The following PTPRG variants were observed in gnomAD, a reference collection of about 807,000 sequenced individuals.
The protein encoded by PTPRG is receptor-type tyrosine-protein phosphatase gamma.
PTPRG carries 102 observed loss-of-function variants against 165.3 expected under a neutral mutation model. That is an observed-to-expected ratio of 0.62 (90% CI 0.53 to 0.73). The LOEUF is 0.73. PTPRG is among the 30% of genes least tolerant of loss of function. The probability of loss-of-function intolerance (pLI) is 0.00; values close to 1 mark genes in which losing one functional copy is unlikely to be tolerated. For missense variants in PTPRG, 1,866 were observed against 1,861.4 expected, an observed-to-expected ratio of 1.00 and a Z score of -0.05; for synonymous variants, 675 against 669.5, an observed-to-expected ratio of 1.01 and a Z score of -0.13.
chr3:61,983,010 G>A (rs1295696847), intron 2 of PTPRG, among the ~76,000 whole-genome samples: 7 of 152,076 alleles, frequency 4.6e-5, no homozygotes, highest in African/African-American at 1.7e-4. Context: ...CAAAAAATGT[G>A]TATTTCATTA....
At chr3:61,827,096 C>T (rs922984203) in intron 2 of PTPRG, among the ~76,000 whole-genome samples, 1 of 152,138 alleles carries the variant, frequency 6.6e-6, no homozygotes, top group Non-Finnish European at 1.5e-5. Context: ...TAAGGGCATG[C>T]TTTGCTGTGT....
intron 5 of PTPRG, among the ~76,000 whole-genome samples, chr3:62,093,902 G>C (rs535533810): frequency 1.1e-3 from 163 of 152,306 alleles, no homozygotes; most frequent in African/African-American, 3.8e-3. Context: ...GAATAAATTA[G>C]TTTTGCTACA....
intron 1 of PTPRG, among the ~76,000 whole-genome samples, chr3:61,564,911 C>T (rs1699869333): frequency 6.6e-6 from 1 of 152,250 alleles, no homozygotes; most frequent in African/African-American, 2.4e-5. Flanking sequence ...CCGCTGGGGG[C>T]TGGAGTTAGC....
intron 2 of PTPRG, among the ~76,000 whole-genome samples, chr3:61,754,696 A>G (rs2033574695): frequency 6.6e-6 from 1 of 152,164 alleles, no homozygotes; most frequent in Admixed American, 6.5e-5. Context: ...AAAAGGTTTC[A>G]CTGTTGGATC....
Position 61,866,960 on chromosome 3 carries a change from T to G in PTPRG, c.190+117978T>G, listed in dbSNP as rs896331305. 8.5e-5 allele frequency among the ~76,000 whole-genome samples: 13 copies of G among 152,270 alleles called. No homozygotes were observed. In the East Asian group the frequency reaches 2.1e-3, roughly 25 times the overall value. ...AACGGAAGAGAGACCACAGGAGTGC[T>G]AGAGCCTGAGTTCAGGGAAGGGTTT... On this transcript the variant is annotated intron_variant, in intron 2 of 29. Transcript: ENST00000474889.
intron 2 of PTPRG, among the ~76,000 whole-genome samples, chr3:61,983,162 C>G (rs765047507): frequency 6.6e-6 from 1 of 152,086 alleles, no homozygotes; most frequent in Non-Finnish European, 1.5e-5. Flanking sequence ...AAGACTTTTT[C>G]CATTTTTCGT....
chr3:61,987,723 C>A (rs1197504066), intron 2 of PTPRG, among the ~76,000 whole-genome samples: 1 of 152,018 alleles, frequency 6.6e-6, no homozygotes, highest in Non-Finnish European at 1.5e-5. Context: ...CTATTTTGGT[C>A]AGCCATCTAA....
chr3:61,794,669 G>A (rs928527928), intron 2 of PTPRG, among the ~76,000 whole-genome samples: 1 of 152,168 alleles, frequency 6.6e-6, no homozygotes, highest in Non-Finnish European at 1.5e-5. Flanking sequence ...ATTCCCTTAT[G>A]CATTTTAACC....
intron 1 of PTPRG, among the ~76,000 whole-genome samples, chr3:61,718,087 C>T (rs759246800): frequency 3.3e-5 from 5 of 151,882 alleles, no homozygotes; most frequent in Non-Finnish European, 7.4e-5. Context: ...GAGGCTGAGG[C>T]AGGAGAGTTG....
chr3:62,235,867 A>G (rs533678488), intron 14 of PTPRG, among the ~76,000 whole-genome samples: 13 of 151,776 alleles, frequency 8.6e-5, no homozygotes, highest in South Asian at 4.2e-4. Flanking sequence ...CTCTCTCCTC[A>G]TATCTGTTAA....
At chr3:61,922,281 A>G (rs1435372381) in intron 2 of PTPRG, among the ~76,000 whole-genome samples, 2 of 152,202 alleles carry the variant, frequency 1.3e-5, no homozygotes, top group African/African-American at 2.4e-5. Context: ...CTGCATGTTC[A>G]CTTAGAAAGG....
chr3:62,230,416 T>C (rs1224659859), intron 13 of PTPRG, among the ~76,000 whole-genome samples: 1 of 152,246 alleles, frequency 6.6e-6, no homozygotes, highest in African/African-American at 2.4e-5. Flanking sequence ...TCCATATATC[T>C]GAGTTTGTCA....
At chr3:61,703,753 A>ACCTGTTAG (rs2031104029) in intron 1 of PTPRG, among the ~76,000 whole-genome samples, 1 of 152,274 alleles carries the variant, frequency 6.6e-6, no homozygotes, top group East Asian at 1.9e-4. Flanking sequence ...GCTTGTTGAT[A>ACCTGTTAG]CCTGTTAGCT....
intron 4 of PTPRG, among the ~76,000 whole-genome samples, chr3:62,019,391 C>CA (rs2041628985): frequency 6.6e-6 from 1 of 151,980 alleles, no homozygotes; most frequent in Non-Finnish European, 1.5e-5. Flanking sequence ...GGCGTGGTGG[C>CA]ACGCATCTGT....
At chr3:62,211,986 G>A (rs544876297) in intron 12 of PTPRG, among the ~76,000 whole-genome samples, 1 of 150,568 alleles carries the variant, frequency 6.6e-6, no homozygotes, top group East Asian at 1.9e-4. Flanking sequence ...TTTTTAAAAA[G>A]CAGAATGGAG....
At chr3:61,829,300 C>T (rs1554911) in intron 2 of PTPRG, among the ~76,000 whole-genome samples, 1,659 of 152,310 alleles carry the variant, frequency 0.011, 28 homozygotes, top group African/African-American at 0.037. Context: ...TCCCAGACAG[C>T]GTTGTAGTTC....
At chr3:62,263,057 T>C in intron 17 of PTPRG, 163 bp downstream of exon 17, 1 of 569,620 alleles carries the variant, frequency 1.8e-6, no homozygotes, top group Non-Finnish European at 3.1e-6. Flanking sequence ...AGTTGGGACA[T>C]TTTCTTCCCC....
At chr3:61,738,175 G>A (rs1334880250) in intron 1 of PTPRG, among the ~76,000 whole-genome samples, 2 of 148,734 alleles carry the variant, frequency 1.3e-5, no homozygotes, top group African/African-American at 4.9e-5. Context: ...TGGGATTACA[G>A]GCATGAGCCA....
chr3:62,002,772 C>G (rs896337904), intron 3 of PTPRG, among the ~76,000 whole-genome samples: 2 of 152,150 alleles, frequency 1.3e-5, no homozygotes, highest in Non-Finnish European at 2.9e-5. Flanking sequence ...TTTTGCATTA[C>G]ACTTTCCTGG....
Sources: gnomAD v4.1 joint callset for allele counts (sites outside exome capture counted in the v4.1 genomes callset) on GRCh38, gnomAD v4.1.1 for gene constraint, MANE v1.5 for transcripts, NCBI Gene and HGNC (gene_info 2026-07-23, HGNC 2026-07-21) for gene names.